Variants in SERPINB8 observed in about 807,000 individuals in gnomAD.
SERPINB8 encodes the protein serpin B8.
Under a neutral mutation model 35.3 loss-of-function variants are expected in SERPINB8, and 25 were observed. The ratio of observed to expected loss-of-function variants is 0.71; its 90% confidence interval spans 0.52 to 0.99. The LOEUF (loss-of-function observed/expected upper bound fraction) is 0.99, where lower values mean the gene tolerates loss of function less well. Ranked by LOEUF, SERPINB8 falls within the 50% of genes least tolerant of loss-of-function variation. The probability of loss-of-function intolerance (pLI) is 0.00; values close to 1 mark genes in which losing one functional copy is unlikely to be tolerated. For missense variants in SERPINB8, 484 were observed against 446.5 expected, an observed-to-expected ratio of 1.08 and a Z score of -0.76; for synonymous variants, 186 against 160.8, an observed-to-expected ratio of 1.16 and a Z score of -1.19.
In SERPINB8 at chr18:63,972,848, C is replaced by T. The variant is rs942304160; in HGVS notation, c.-11+2678C>T. Among the ~76,000 whole-genome samples, 3 of 152,264 alleles carry T rather than the reference C, an allele frequency of 2.0e-5. No individual in the cohort carries two copies. The East Asian group carries it at 5.8e-4, about 29-fold the overall frequency. ...CGTTTTTTTATGGCTGCATAGTATT[C>T]CATGGTGTATATATGCCACATTTTC... On this transcript the variant is annotated intron_variant, in intron 1 of 6. Transcript: ENST00000397985.
At chr18:64,017,677 C>A (rs2050956952) in intron 7 of SERPINB8, among the ~76,000 whole-genome samples, 1 of 152,096 alleles carries the variant, frequency 6.6e-6, no homozygotes. Context: ...TAATAAGGAG[C>A]AAAGAAAGAT....
rs147066678 is a variant in SERPINB8 at position 63,987,025 on chromosome 18, C to G, written c.872C>G (p.Ala291Gly). ...CTTCGAAGATTAGGAATGATCGATG[C>G]TTTTGACGAAGCCAAGGCAGACTTT... ...PFLRRLGMID[A>G]FDEAKADFSG... is the part of the protein sequence containing the mutation. Residue 291 changes from alanine to glycine, a missense_variant, in exon 7 of 7, where the codon GCT becomes GGT. Coordinates refer to ENST00000397985, the MANE Select transcript of SERPINB8 (RefSeq NM_002640.4). 3.1e-4 allele frequency: 493 copies of G among 1,614,182 alleles called. No homozygotes were observed. The highest frequency in any genetic ancestry group is 3.9e-4 in the Non-Finnish European group (457 of 1,180,038).
At chr18:64,001,016 C>T (rs2144841212) in intron 1 of SERPINB8, among the ~76,000 whole-genome samples, 1 of 152,338 alleles carries the variant, frequency 6.6e-6, no homozygotes, top group South Asian at 2.1e-4. Flanking sequence ...AAATAACCTT[C>T]TTCATCTCCA....
At chr18:63,991,341 C>T (rs773512223), downstream of SERPINB8, among the ~76,000 whole-genome samples, 18 of 152,118 alleles carry the variant, frequency 1.2e-4, no homozygotes, top group Non-Finnish European at 2.2e-4. Context: ...TCTTCCAACC[C>T]GTGAACAAGG....
intron 7 of SERPINB8, among the ~76,000 whole-genome samples, chr18:64,017,471 A>G (rs2050955877): frequency 6.6e-6 from 1 of 152,190 alleles, no homozygotes; most frequent in Non-Finnish European, 1.5e-5. Flanking sequence ...TGACTTGATG[A>G]TGATGATGAA....
chr18:63,972,604 A>G lies in SERPINB8; in HGVS notation c.-11+2434A>G, dbSNP rs146379007. Among the ~76,000 whole-genome samples, 569 of 152,250 alleles carry G rather than the reference A, an allele frequency of 3.7e-3. 3 individuals are homozygous for G. Among genetic ancestry groups the G allele is most frequent in the African/African-American group, 0.013 (548 of 41,522 alleles). On this transcript the variant is annotated intron_variant, in intron 1 of 6. Coordinates refer to ENST00000397985, the MANE Select transcript of SERPINB8 (RefSeq NM_002640.4). ...CCGCACCCATCAACTAGTCATTTAC[A>G]TTAGGTATTTCTCCTAATGCTATTC...
chr18:63,999,386 A>T (rs2050864165), intron 1 of SERPINB8, among the ~76,000 whole-genome samples: 1 of 152,128 alleles, frequency 6.6e-6, no homozygotes, highest in Admixed American at 6.5e-5. Context: ...TGATATGTGG[A>T]CCCTGGTACT....
chr18:63,985,316 A>C (rs2050736931), intron 6 of SERPINB8, 71 bp downstream of exon 6: 1 of 1,552,126 alleles, frequency 6.4e-7, no homozygotes, highest in Admixed American at 1.9e-5. Context: ...TTCATCTACC[A>C]ATTGGCATTT....
intron 1 of SERPINB8, among the ~76,000 whole-genome samples, chr18:63,994,831 G>A (rs1473367648): frequency 6.6e-6 from 1 of 152,164 alleles, no homozygotes; most frequent in Non-Finnish European, 1.5e-5. Context: ...ACTACTGCTG[G>A]TTATCAAGCC....
chr18:63,974,379 G>A (rs2050547127), intron 1 of SERPINB8, among the ~76,000 whole-genome samples: 1 of 152,158 alleles, frequency 6.6e-6, no homozygotes, highest in Admixed American at 6.5e-5. Flanking sequence ...ATGTTGTATG[G>A]GGATGGGGGA....
chr18:63,991,555 A>T (rs1277490419), downstream of SERPINB8, among the ~76,000 whole-genome samples: 1 of 151,872 alleles, frequency 6.6e-6, no homozygotes, highest in Non-Finnish European at 1.5e-5. Context: ...TTTTTTTTGT[A>T]TCTCAGCCTT....
intron 7 of SERPINB8, among the ~76,000 whole-genome samples, chr18:64,012,996 A>G (rs901699432): frequency 1.3e-5 from 2 of 152,164 alleles, no homozygotes; most frequent in Non-Finnish European, 2.9e-5. Flanking sequence ...TCAGAATTAG[A>G]AGAGTTCTAC....
chr18:64,008,480 C>G (rs1214304604), downstream of SERPINB8, among the ~76,000 whole-genome samples: 1 of 151,844 alleles, frequency 6.6e-6, no homozygotes. Context: ...AACTCCTGAG[C>G]TCAGGTGATC....
At chr18:63,976,561 T>C (rs2050585029) in intron 1 of SERPINB8, among the ~76,000 whole-genome samples, 1 of 152,198 alleles carries the variant, frequency 6.6e-6, no homozygotes, top group Non-Finnish European at 1.5e-5. Context: ...TTAAAAGATT[T>C]ACATCTCAAA....
At chr18:63,994,222 C>A (rs759375370), downstream of SERPINB8, among the ~76,000 whole-genome samples, 1 of 152,142 alleles carries the variant, frequency 6.6e-6, no homozygotes, top group South Asian at 2.1e-4. Flanking sequence ...TCCTGGGTAG[C>A]CTCTTCTTAT....
At chr18:63,973,625 G>T (rs1239123494) in intron 1 of SERPINB8, among the ~76,000 whole-genome samples, 1 of 152,158 alleles carries the variant, frequency 6.6e-6, no homozygotes, top group Non-Finnish European at 1.5e-5. Flanking sequence ...ATGGTTTTAG[G>T]TCTAACATTT....
At chr18:63,992,138 C>G (rs551003518), downstream of SERPINB8, among the ~76,000 whole-genome samples, 1 of 152,202 alleles carries the variant, frequency 6.6e-6, no homozygotes, top group Non-Finnish European at 1.5e-5. Context: ...TTAGGTAATT[C>G]TGGTCTCAAA....
rs2050705409 is a variant in SERPINB8, at chr18:63,983,598, G to T, written c.444G>T (p.Leu148=). 3 of 1,613,766 alleles carry T rather than the reference G, an allele frequency of 1.9e-6. No individual in the cohort carries two copies. The highest frequency in any genetic ancestry group is 3.3e-5 in the Admixed American group (2 of 59,986). ...EKTEGKISEV[L]DAGTVDPLTK... is the part of the protein sequence containing the mutation. Reference sequence around the variant, plus strand: ...TTATAGGTAAGATTTCAGAGGTACTGGATGCTGGGACAGTCGATCCCCTGA... The same window carrying T: ...TTATAGGTAAGATTTCAGAGGTACTTGATGCTGGGACAGTCGATCCCCTGA... Residue 148 remains leucine (L), a synonymous_variant, in exon 5 of 7, where the codon CTG becomes CTT. Coordinates refer to ENST00000397985, the MANE Select transcript of SERPINB8 (RefSeq NM_002640.4).
At chr18:63,973,901 AG>A (rs2050536355) in intron 1 of SERPINB8, among the ~76,000 whole-genome samples, 1 of 152,172 alleles carries the variant, frequency 6.6e-6, no homozygotes, top group Admixed American at 6.5e-5. Context: ...CTTGTAGTGT[AG>A]TTTGAAGTCA....
Sources: allele counts gnomAD v4.1 joint callset (sites outside exome capture counted in the v4.1 genomes callset), GRCh38; gene constraint gnomAD v4.1.1; transcripts MANE v1.5; gene names NCBI Gene and HGNC (gene_info 2026-07-23, HGNC 2026-07-21).